Variants in TSPAN2 observed in about 807,000 individuals in gnomAD.
TSPAN2 encodes the protein tetraspanin 2.
Under a neutral mutation model 33.3 loss-of-function variants are expected in TSPAN2, and 24 were observed. The observed-to-expected ratio is 0.72, with a 90% confidence interval of 0.52 to 1.01. The LOEUF (loss-of-function observed/expected upper bound fraction) is 1.01. Among genes scored for constraint, TSPAN2 ranks in the 50% least tolerant of loss-of-function variants. The pLI, the probability that TSPAN2 is intolerant of heterozygous loss-of-function variation, is 0.00. For synonymous variants in TSPAN2, 114 were observed against 104.5 expected (o/e 1.09, Z -0.56); for missense variants, 278 against 281.3 (o/e 0.99, Z 0.08).
intron 2 of TSPAN2, among the ~76,000 whole-genome samples, chr1:115,063,326 G>A (rs1038409620): frequency 6.6e-5 from 10 of 152,120 alleles, no homozygotes; most frequent in East Asian, 1.9e-4. Context: ...AATAATGCTC[G>A]TCATCTCTAA....
At chr1:115,055,847 A>G (rs1395943714) in intron 6 of TSPAN2, among the ~76,000 whole-genome samples, 1 of 152,222 alleles carries the variant, frequency 6.6e-6, no homozygotes, top group African/African-American at 2.4e-5. Context: ...TCATATGAAT[A>G]TACTACAATT....
At chr1:115,067,015 G>C (rs1231169343) in intron 2 of TSPAN2, among the ~76,000 whole-genome samples, 1 of 152,182 alleles carries the variant, frequency 6.6e-6, no homozygotes, top group African/African-American at 2.4e-5. Flanking sequence ...AATATTTACT[G>C]AGGGCTCACC....
At chr1:115,053,581 A>G in intron 6 of TSPAN2, 119 bp from the exon 7 acceptor site, 1 of 821,132 alleles carries the variant, frequency 1.2e-6, no homozygotes, top group Non-Finnish European at 2.0e-6. Flanking sequence ...GCCAGCTTCT[A>G]CTCATGTTTC....
At chr1:115,078,386 T>G (rs914559801) in intron 1 of TSPAN2, among the ~76,000 whole-genome samples, 3 of 152,144 alleles carry the variant, frequency 2.0e-5, no homozygotes, top group African/African-American at 7.2e-5. Context: ...AATGAGTGAA[T>G]GGAGGACCTT....
At chr1:115,058,116 A>G (rs1197835154) in intron 5 of TSPAN2, 1 of 162,696 alleles carries the variant, frequency 6.1e-6, no homozygotes, top group Non-Finnish European at 1.4e-5. Context: ...CCTTTAAGAC[A>G]AAAGAACCTG....
At chr1:115,084,855 A>G (rs1296480553) in intron 1 of TSPAN2, among the ~76,000 whole-genome samples, 2 of 152,186 alleles carry the variant, frequency 1.3e-5, no homozygotes, top group African/African-American at 4.8e-5. Context: ...GGCATCCCCA[A>G]GTGAAAACCC....
intron 3 of TSPAN2, 141 bp downstream of exon 3, chr1:115,061,994 G>A (rs1158846133): frequency 1.0e-5 from 7 of 682,498 alleles, no homozygotes; most frequent in Non-Finnish European, 1.8e-5. Context: ...GAGAAACCAA[G>A]ACTGAGGGAG....
chr1:115,059,802 C>T (rs1177276955), intron 4 of TSPAN2, among the ~76,000 whole-genome samples: 1 of 152,188 alleles, frequency 6.6e-6, no homozygotes, highest in Non-Finnish European at 1.5e-5. Context: ...TACTATTCTA[C>T]ATGTTTACTG....
chr1:115,086,294 C>T (rs1648833475), intron 1 of TSPAN2, among the ~76,000 whole-genome samples: 1 of 152,220 alleles, frequency 6.6e-6, no homozygotes, highest in African/African-American at 2.4e-5. Flanking sequence ...ATAACTTGCT[C>T]AAGTACACCC....
At chr1:115,057,443 A>G in intron 6 of TSPAN2, 94 bp downstream of exon 6, 1 of 1,240,236 alleles carries the variant, frequency 8.1e-7, no homozygotes, top group Non-Finnish European at 1.2e-6. Context: ...AAATTCAGTA[A>G]AATGCAGATC....
At chr1:115,088,819 C>A (rs939804066) in intron 1 of TSPAN2, among the ~76,000 whole-genome samples, 12 of 152,236 alleles carry the variant, frequency 7.9e-5, no homozygotes, top group African/African-American at 2.6e-4. Flanking sequence ...GACGACGCCC[C>A]CCCACCACAA....
intron 1 of TSPAN2, 122 bp downstream of exon 1, chr1:115,089,242 T>C: frequency 1.3e-6 from 1 of 745,370 alleles, no homozygotes; most frequent in East Asian, 3.3e-5. Flanking sequence ...CCTCCGCGTT[T>C]GAGCACCCAG....
chr1:115,064,137 G>A lies in TSPAN2; in HGVS notation c.173-1905C>T, dbSNP rs6537854. ...CATCTTATTGGCTTCTCAAAACAAC[G>A]TGGTTAGGTAAGCAAGGACTATTAT... is the stretch of plus-strand genomic sequence containing the variant. On this transcript the variant is annotated intron_variant, in intron 2 of 7. Transcript: ENST00000369516. Among the ~76,000 whole-genome samples the A allele has an allele frequency of 4.3e-4, 66 of 152,128 alleles. No homozygotes were observed. In the South Asian group the frequency reaches 0.013, roughly 31 times the overall value.
chr1:115,067,404 C>T (rs550778973), intron 2 of TSPAN2, among the ~76,000 whole-genome samples: 1 of 152,328 alleles, frequency 6.6e-6, no homozygotes, highest in East Asian at 1.9e-4. Flanking sequence ...GTAAGTCTTC[C>T]TACCCTTCAG....
chr1:115,087,933 C>G lies in TSPAN2; in HGVS notation c.69+1431G>C, dbSNP rs376058810. ...TAAGAATTCCTCCTCAGGCTTAAAA[C>G]TTCATAAGGCTTTGAATTCATAAGC... On this transcript the variant is annotated intron_variant, in intron 1 of 7. Transcript: ENST00000369516. Among the ~76,000 whole-genome samples, 3 of 152,330 alleles carry G rather than the reference C, an allele frequency of 2.0e-5. No individual in the cohort carries two copies. In the South Asian group the frequency reaches 6.2e-4, roughly 32 times the overall value.
At chr1:115,056,655 T>G (rs937885666) in intron 6 of TSPAN2, among the ~76,000 whole-genome samples, 2 of 152,180 alleles carry the variant, frequency 1.3e-5, no homozygotes, top group Admixed American at 1.3e-4. Context: ...CTCTCCTAAG[T>G]GCGTTTCCCT....
chr1:115,079,060 T>C (rs191847035), intron 1 of TSPAN2, among the ~76,000 whole-genome samples: 8 of 151,742 alleles, frequency 5.3e-5, no homozygotes, highest in African/African-American at 1.9e-4. Flanking sequence ...AAAGAATAAA[T>C]CTACACAATG....
intron 1 of TSPAN2, among the ~76,000 whole-genome samples, chr1:115,077,554 C>T (rs1162185014): frequency 6.6e-6 from 1 of 152,070 alleles, no homozygotes; most frequent in Non-Finnish European, 1.5e-5. Context: ...ACTCAAGAAA[C>T]AGAAGAAGGA....
intron 5 of TSPAN2, chr1:115,058,538 G>T (rs1009550401): frequency 3.5e-5 from 10 of 282,932 alleles, no homozygotes; most frequent in South Asian, 4.5e-5. Flanking sequence ...TGACTTACAG[G>T]TCACACTTGT....
Sources: gnomAD v4.1 joint callset for allele counts (sites outside exome capture counted in the v4.1 genomes callset) on GRCh38, gnomAD v4.1.1 for gene constraint, MANE v1.5 for transcripts, NCBI Gene and HGNC (gene_info 2026-07-23, HGNC 2026-07-21) for gene names.